NGLY1: variants seen among roughly 807,000 people sequenced by gnomAD.
NGLY1 encodes peptide-N(4)-(N-acetyl-beta-glucosaminyl)asparagine amidase.
Under a neutral mutation model 84.6 loss-of-function variants are expected in NGLY1, and 68 were observed. The observed-to-expected ratio is 0.80, with a 90% confidence interval of 0.66 to 0.98. NGLY1 has a LOEUF of 0.98. NGLY1 is among the 50% of genes least tolerant of loss of function. The pLI is 0.00. For missense variants in NGLY1, 779 were observed against 770.2 expected (o/e 1.01, Z -0.14); for synonymous variants, 280 against 275.2 (o/e 1.02, Z -0.17).
intron 6 of NGLY1, 137 bp downstream of exon 6, chr3:25,737,197 T>G (rs1705871484): frequency 1.6e-6 from 1 of 642,384 alleles, no homozygotes; most frequent in Non-Finnish European, 2.6e-6. Flanking sequence ...TTGGTATTAT[T>G]ACTGTTTTAC....
At chr3:25,745,533 C>T (rs2125499418) in intron 4 of NGLY1, among the ~76,000 whole-genome samples, 1 of 152,302 alleles carries the variant, frequency 6.6e-6, no homozygotes, top group East Asian at 1.9e-4. Flanking sequence ...TTCCTAGTTG[C>T]CTAGATTCAA....
chr3:25,721,223 T>C (rs956137498), intron 10 of NGLY1, among the ~76,000 whole-genome samples: 1 of 152,164 alleles, frequency 6.6e-6, no homozygotes, highest in African/African-American at 2.4e-5. Flanking sequence ...CCAACTACCA[T>C]GCCTGGCTAA....
intron 3 of NGLY1, among the ~76,000 whole-genome samples, chr3:25,758,276 A>G (rs1225578793): frequency 1.3e-5 from 2 of 152,208 alleles, no homozygotes; most frequent in African/African-American, 4.8e-5. Flanking sequence ...TAGGTAATAT[A>G]GTATTAATAA....
intron 4 of NGLY1, chr3:25,749,353 CATGAATAA>C (rs1291781632): frequency 1.7e-6 from 1 of 573,216 alleles, no homozygotes; most frequent in South Asian, 2.0e-5. Flanking sequence ...CCCAAGTATC[CATGAATAA>C]ATGAATAAAT....
intron 5 of NGLY1, among the ~76,000 whole-genome samples, chr3:25,738,223 T>G (rs530529295): frequency 6.6e-6 from 1 of 152,224 alleles, no homozygotes; most frequent in South Asian, 2.1e-4. Context: ...CAACAAAAAT[T>G]TTAGCTTAGT....
At position 25,764,324 on chromosome 3, in the gene NGLY1, A is replaced by C. The variant is rs201976588; in HGVS notation, c.247-13T>G. 11 of 1,602,980 alleles carry C rather than the reference A, an allele frequency of 6.9e-6. No homozygotes were observed. The African/African-American group carries it at 1.5e-4, about 22-fold the overall frequency. ...GATGTGTTTCTCCCTGGAATTTATA[A>C]AATTAAAAAAAATGTGAACCTTTGC... On this transcript the variant is annotated splice_polypyrimidine_tract_variant and intron_variant, in intron 2 of 11. Coordinates refer to ENST00000280700, the MANE Select transcript of NGLY1 (RefSeq NM_018297.4).
chr3:25,765,000 T>C (rs2125291460), intron 2 of NGLY1, among the ~76,000 whole-genome samples: 1 of 152,282 alleles, frequency 6.6e-6, no homozygotes, highest in African/African-American at 2.4e-5. Context: ...ATAAATATGC[T>C]AAGAATGCTT....
At chr3:25,755,005 A>C in intron 3 of NGLY1, 1 of 858,158 alleles carries the variant, frequency 1.2e-6, no homozygotes, top group South Asian at 1.3e-5. Context: ...AGGATATGGG[A>C]ATCACAGACT....
intron 2 of NGLY1, among the ~76,000 whole-genome samples, chr3:25,769,799 C>T (rs1336943959): frequency 6.6e-6 from 1 of 151,528 alleles, no homozygotes; most frequent in Non-Finnish European, 1.5e-5. Context: ...TTATTTAATT[C>T]TTTTTTTTAT....
chr3:25,726,709 T>G (rs139767420), intron 10 of NGLY1, among the ~76,000 whole-genome samples: 58 of 152,282 alleles, frequency 3.8e-4, no homozygotes, highest in African/African-American at 9.9e-4. Flanking sequence ...AGTTAAGGAT[T>G]AAGTTTTTGT....
intron 2 of NGLY1, among the ~76,000 whole-genome samples, chr3:25,774,047 A>T (rs1184742032): frequency 6.6e-6 from 1 of 152,032 alleles, no homozygotes; most frequent in Non-Finnish European, 1.5e-5. Flanking sequence ...TCTGTGTGGG[A>T]CCTTGGTTGC....
chr3:25,753,319 C>T (rs1038071062), intron 3 of NGLY1, among the ~76,000 whole-genome samples: 2 of 151,964 alleles, frequency 1.3e-5, no homozygotes, highest in Admixed American at 1.3e-4. Flanking sequence ...TAATCATGTA[C>T]AGGGGCAAAA....
At chr3:25,781,764 TA>T (rs1708429825) in intron 1 of NGLY1, among the ~76,000 whole-genome samples, 1 of 152,220 alleles carries the variant, frequency 6.6e-6, no homozygotes, top group East Asian at 1.9e-4. Context: ...TAAATGTCAT[TA>T]TTTGCATGCA....
intron 1 of NGLY1, among the ~76,000 whole-genome samples, chr3:25,779,484 A>G (rs2125323905): frequency 6.6e-6 from 1 of 152,346 alleles, no homozygotes. Context: ...GATAAGTTTC[A>G]TACCTGACAC....
intron 3 of NGLY1, among the ~76,000 whole-genome samples, chr3:25,753,310 A>G (rs1706853147): frequency 6.6e-6 from 1 of 152,214 alleles, no homozygotes; most frequent in African/African-American, 2.4e-5. Flanking sequence ...CAGTTAAACT[A>G]ATCATGTACA....
chr3:25,739,488 A>G, intron 5 of NGLY1, 89 bp downstream of exon 5: 1 of 1,249,030 alleles, frequency 8.0e-7, no homozygotes, highest in East Asian at 2.5e-5. Context: ...ATTTCTGATA[A>G]TTAAATATTA....
rs779330674 is a variant in NGLY1 at position 25,764,068 on chromosome 3, T to C, written c.490A>G (p.Thr164Ala). Residue 164 changes from threonine to alanine, a missense_variant and splice_region_variant, in exon 3 of 12, where the codon ACG becomes GCG. Coordinates refer to ENST00000280700, the MANE Select transcript of NGLY1 (RefSeq NM_018297.4). ...GQSSDPPSAS[T>A]VAADSAILEV... ...AGAAGGTTTAATTCTAACATTACCG[T>C]TGAAGCAGATGGTGGATCTGATGAC... The C allele has an allele frequency of 3.7e-6, 6 of 1,614,084 alleles. No individual in the cohort carries two copies. Among genetic ancestry groups the C allele is most frequent in the Middle Eastern group, 3.3e-4 (2 of 6,058 alleles).
At chr3:25,720,908 C>T (rs997475984) in intron 10 of NGLY1, among the ~76,000 whole-genome samples, 7 of 152,118 alleles carry the variant, frequency 4.6e-5, no homozygotes, top group South Asian at 2.1e-4. Context: ...AAGACTCTGA[C>T]GCTTCAGTCG....
chr3:25,721,976 G>C (rs1470941691), intron 10 of NGLY1, among the ~76,000 whole-genome samples: 1 of 151,568 alleles, frequency 6.6e-6, no homozygotes, highest in African/African-American at 2.4e-5. Flanking sequence ...CCAGCACTTT[G>C]GGAGGCTGAG....
Sources: allele counts gnomAD v4.1 joint callset (sites outside exome capture counted in the v4.1 genomes callset), GRCh38; gene constraint gnomAD v4.1.1; transcripts MANE v1.5; gene names NCBI Gene and HGNC (gene_info 2026-07-23, HGNC 2026-07-21).